CAST: variants seen among roughly 807,000 people sequenced by gnomAD.
The protein encoded by CAST is MIR583 host.
Under a neutral mutation model 119.6 loss-of-function variants are expected in CAST, and 76 were observed. That is an observed-to-expected ratio of 0.64 (90% CI 0.53 to 0.77). CAST has a LOEUF of 0.77. Ranked by LOEUF, CAST falls within the 30% of genes least tolerant of loss-of-function variation. The pLI is 0.00. For missense variants in CAST, 953 were observed against 946.5 expected, an observed-to-expected ratio of 1.01 and a Z score of -0.09; for synonymous variants, 319 against 331.6, an observed-to-expected ratio of 0.96 and a Z score of 0.41.
chr5:96,042,241 G>C, the CAST span, among the ~76,000 whole-genome samples: 1 of 152,144 alleles, frequency 6.6e-6, no homozygotes, highest in African/African-American at 2.4e-5. Flanking sequence ...GTTTGGAAGA[G>C]CTCTACCTCT....
the CAST span, among the ~76,000 whole-genome samples, chr5:96,475,720 A>C: frequency 6.6e-6 from 1 of 152,138 alleles, no homozygotes; most frequent in East Asian, 1.9e-4. Flanking sequence ...CAGTGAAGGG[A>C]TGTGAATTGG....
chr5:96,407,476 C>T, the CAST span, among the ~76,000 whole-genome samples: 1 of 151,510 alleles, frequency 6.6e-6, no homozygotes, highest in Non-Finnish European at 1.5e-5. Flanking sequence ...CTGGCACTTT[C>T]ACACATATAT....
At chr5:96,564,137 G>T (rs765822452) in intron 1 of CAST, among the ~76,000 whole-genome samples, 2 of 152,176 alleles carry the variant, frequency 1.3e-5, no homozygotes, top group Non-Finnish European at 2.9e-5. Flanking sequence ...TGGTTGATAT[G>T]CAGGAAAAAG....
the CAST span, among the ~76,000 whole-genome samples, chr5:96,009,916 A>G: frequency 1.3e-5 from 2 of 152,094 alleles, no homozygotes; most frequent in Admixed American, 1.3e-4. Context: ...TAGTATTTTT[A>G]TGGTTTGAGG....
chr5:96,157,484 G>A, the CAST span, among the ~76,000 whole-genome samples: 21 of 152,350 alleles, frequency 1.4e-4, no homozygotes, highest in African/African-American at 4.8e-4. Context: ...ATACTCACTG[G>A]CACTAAAGGT....
At chr5:96,619,524 C>T (rs572907862) in intron 1 of CAST, among the ~76,000 whole-genome samples, 22 of 152,368 alleles carry the variant, frequency 1.4e-4, no homozygotes, top group African/African-American at 4.3e-4. Flanking sequence ...GCTGGGTCCT[C>T]TTCCACAGTG....
chr5:96,510,268 T>C, the CAST span, among the ~76,000 whole-genome samples: 1,712 of 152,310 alleles, frequency 0.011, 109 homozygotes, highest in Admixed American at 0.098. Context: ...ATTCATCCAA[T>C]GGCCTTTGGA....
chr5:96,609,083 C>T (rs937333776), intron 1 of CAST, among the ~76,000 whole-genome samples: 8 of 152,194 alleles, frequency 5.3e-5, no homozygotes, highest in Admixed American at 2.0e-4. Context: ...CCTGTCCAGC[C>T]TCAGACAGAC....
the CAST span, among the ~76,000 whole-genome samples, chr5:96,427,485 A>G: frequency 4.6e-5 from 7 of 152,204 alleles, no homozygotes; most frequent in African/African-American, 1.7e-4. Context: ...CTATGGTTCC[A>G]GAATGTTTCC....
At chr5:96,069,357 GTGTGTGTGTGTGTGTGTGTGTGTGTCTA>G in the CAST span, among the ~76,000 whole-genome samples, 1 of 59,338 alleles carries the variant, frequency 1.7e-5, no homozygotes, top group East Asian at 3.5e-4. Context: ...GTGTATGTAT[GTGTGTGTGTGTGTGTGTGTGTGTGTCTA>G]TGTGTGTGTG....
At chr5:96,038,179 G>A in the CAST span, among the ~76,000 whole-genome samples, 4 of 151,950 alleles carry the variant, frequency 2.6e-5, no homozygotes, top group Non-Finnish European at 5.9e-5. Flanking sequence ...GCCAAAGCTG[G>A]AACAATTTCA....
intron 30 of CAST, 107 bp downstream of exon 30, chr5:96,770,709 T>G: frequency 1.3e-6 from 1 of 750,702 alleles, no homozygotes; most frequent in Non-Finnish European, 2.3e-6. Flanking sequence ...AGAATAAAAT[T>G]TCTTAAAGTA....
chr5:95,971,237 G>A, the CAST span, among the ~76,000 whole-genome samples: 13 of 152,178 alleles, frequency 8.5e-5, 1 homozygote, highest in South Asian at 2.7e-3. Flanking sequence ...CTTTTTTAAA[G>A]TTTGTATCTT....
chr5:96,055,871 C>G, the CAST span, among the ~76,000 whole-genome samples: 1 of 151,958 alleles, frequency 6.6e-6, no homozygotes, highest in East Asian at 1.9e-4. Context: ...ATAGGTGAAG[C>G]TTTGTTGATG....
the CAST span, among the ~76,000 whole-genome samples, chr5:96,107,106 C>G: frequency 1.1e-4 from 17 of 149,366 alleles, no homozygotes; most frequent in African/African-American, 4.0e-4. Flanking sequence ...TTATTTTGAG[C>G]CTATGTGTGT....
chr5:96,665,228 G>C (rs780957984), intron 1 of CAST, among the ~76,000 whole-genome samples: 1 of 152,136 alleles, frequency 6.6e-6, no homozygotes, highest in East Asian at 1.9e-4. Context: ...TGCAATTTCA[G>C]ATTTCCAAGG....
chr5:96,059,145 C>T, the CAST span, among the ~76,000 whole-genome samples: 9 of 152,188 alleles, frequency 5.9e-5, no homozygotes, highest in East Asian at 1.7e-3. Context: ...TGCAAAACTG[C>T]ACCTACCTTC....
At chr5:96,380,410 C>G in the CAST span, among the ~76,000 whole-genome samples, 1 of 152,086 alleles carries the variant, frequency 6.6e-6, no homozygotes, top group East Asian at 1.9e-4. Context: ...TACTGCATGC[C>G]AAATTATCAG....
At chr5:96,218,092 T>C in the CAST span, among the ~76,000 whole-genome samples, 1 of 152,236 alleles carries the variant, frequency 6.6e-6, no homozygotes, top group South Asian at 2.1e-4. Flanking sequence ...CTTTTTTCGA[T>C]GCTAGCAATA....
Sources: allele counts gnomAD v4.1 joint callset (sites outside exome capture counted in the v4.1 genomes callset), GRCh38; gene constraint gnomAD v4.1.1; transcripts MANE v1.5; gene names NCBI Gene and HGNC (gene_info 2026-07-23, HGNC 2026-07-21).